Variants in PCNX2 observed in about 807,000 individuals in gnomAD.
PCNX2 encodes the protein pecanex-like protein 2.
A neutral mutation model predicts 223.8 loss-of-function variants in PCNX2; 168 were observed. The ratio of observed to expected loss-of-function variants is 0.75; its 90% CI spans 0.66 to 0.85. The LOEUF is 0.85. PCNX2 is among the 40% of genes least tolerant of loss of function. The pLI, the probability that PCNX2 is intolerant of heterozygous loss-of-function variation, is 0.00. For missense variants in PCNX2, 2,507 were observed against 2,675.5 expected, an observed-to-expected ratio of 0.94 and a Z score of 1.39; for synonymous variants, 1,006 against 1,052.6, an observed-to-expected ratio of 0.96 and a Z score of 0.86.
At chr1:233,200,130 A>G (rs1482528382) in intron 14 of PCNX2, 24 bp downstream of exon 14, 1 of 1,494,480 alleles carries the variant, frequency 6.7e-7, no homozygotes, top group African/African-American at 1.4e-5. Context: ...CCTTTACAGG[A>G]AGAATAGAAT....
At chr1:233,028,823 T>A (rs1299853337) in intron 25 of PCNX2, among the ~76,000 whole-genome samples, 1 of 151,816 alleles carries the variant, frequency 6.6e-6, no homozygotes, top group East Asian at 1.9e-4. Flanking sequence ...TTTTTAAATT[T>A]GTATTCTTTC....
intron 3 of PCNX2, 125 bp from the exon 4 acceptor site, chr1:233,261,446 T>C (rs1660034199): frequency 2.4e-6 from 2 of 817,234 alleles, no homozygotes; most frequent in South Asian, 3.0e-5. Context: ...GACAATACAG[T>C]GTTCACTCTC....
intron 25 of PCNX2, among the ~76,000 whole-genome samples, chr1:233,026,076 C>T (rs7541947): frequency 0.47 from 71,579 of 152,050 alleles, 20,042 homozygotes; most frequent in African/African-American, 0.79. Flanking sequence ...CTTATCAGTT[C>T]AGGTTAAAGA....
intron 9 of PCNX2, among the ~76,000 whole-genome samples, chr1:233,232,522 T>C (rs1658128371): frequency 6.6e-6 from 1 of 152,216 alleles, no homozygotes; most frequent in African/African-American, 2.4e-5. Flanking sequence ...CTTCTGAACA[T>C]GATAAGTGAA....
At chr1:233,214,791 C>G (rs1490782457) in intron 12 of PCNX2, among the ~76,000 whole-genome samples, 4 of 152,166 alleles carry the variant, frequency 2.6e-5, no homozygotes, top group Non-Finnish European at 5.9e-5. Flanking sequence ...CTTTTAGAAT[C>G]AAACTAATTT....
intron 24 of PCNX2, 47 bp downstream of exon 24, chr1:233,057,185 T>A: frequency 7.0e-7 from 1 of 1,429,830 alleles, no homozygotes; most frequent in South Asian, 1.2e-5. Flanking sequence ...TGAGAATCCA[T>A]CCATACAACA....
chr1:233,243,822 C>CTTTATT (rs1553321468), intron 8 of PCNX2, among the ~76,000 whole-genome samples: 1 of 148,236 alleles, frequency 6.7e-6, no homozygotes, highest in Non-Finnish European at 1.5e-5. Context: ...GTACTATCAC[C>CTTTATT]TTTATTTTTT....
At chr1:233,225,195 C>G (rs991923416) in intron 10 of PCNX2, among the ~76,000 whole-genome samples, 2 of 147,814 alleles carry the variant, frequency 1.4e-5, no homozygotes, top group African/African-American at 5.0e-5. Flanking sequence ...TTGACAACAT[C>G]TACTTTGGCT....
intron 15 of PCNX2, among the ~76,000 whole-genome samples, chr1:233,194,244 A>G (rs910340528): frequency 2.0e-5 from 3 of 152,122 alleles, no homozygotes; most frequent in Non-Finnish European, 4.4e-5. Context: ...AAAACAGAAC[A>G]TGTTGAAAGT....
At chr1:233,026,708 G>A (rs1040367528) in intron 25 of PCNX2, among the ~76,000 whole-genome samples, 1 of 152,150 alleles carries the variant, frequency 6.6e-6, no homozygotes, top group Non-Finnish European at 1.5e-5. Context: ...TGATGCTAAG[G>A]TTTCTGTCCT....
intron 23 of PCNX2, among the ~76,000 whole-genome samples, chr1:233,086,696 AAAAAT>A (rs1225337889): frequency 1.3e-5 from 2 of 152,012 alleles, no homozygotes; most frequent in South Asian, 2.1e-4. Context: ...ATAATAAAAT[AAAAAT>A]AAAATAAAAT....
At chr1:233,009,791 G>A (rs1033096967) in intron 28 of PCNX2, among the ~76,000 whole-genome samples, 3 of 152,308 alleles carry the variant, frequency 2.0e-5, no homozygotes, top group Admixed American at 2.0e-4. Context: ...GGACTCATGG[G>A]ACCAGAGAAC....
intron 21 of PCNX2, among the ~76,000 whole-genome samples, chr1:233,102,077 A>G (rs80236341): frequency 0.022 from 3,240 of 148,700 alleles, 36 homozygotes; most frequent in East Asian, 0.045. Flanking sequence ...AATGCATGAG[A>G]TTCATTTTTC....
chr1:233,246,233 G>C (rs1323169953), intron 8 of PCNX2, among the ~76,000 whole-genome samples: 1 of 151,536 alleles, frequency 6.6e-6, no homozygotes, highest in South Asian at 2.1e-4. Flanking sequence ...CTTCAGATGG[G>C]ATAAATGCCC....
At chr1:233,011,049 C>T (rs933385663) in intron 28 of PCNX2, among the ~76,000 whole-genome samples, 2 of 152,184 alleles carry the variant, frequency 1.3e-5, no homozygotes, top group Non-Finnish European at 2.9e-5. Context: ...TCCTACAGTA[C>T]ACCTAAGGAC....
At chr1:233,203,006 C>A (rs1398525405) in intron 13 of PCNX2, among the ~76,000 whole-genome samples, 1 of 152,158 alleles carries the variant, frequency 6.6e-6, no homozygotes, top group African/African-American at 2.4e-5. Context: ...TGAGCTGTAA[C>A]CCATCTTCTA....
chr1:233,153,511 A>G (rs1290359866), intron 19 of PCNX2, among the ~76,000 whole-genome samples: 2 of 152,244 alleles, frequency 1.3e-5, no homozygotes, highest in Admixed American at 6.5e-5. Context: ...TTTAGACTTA[A>G]GAGTTAAAAA....
At chr1:233,235,890 C>G (rs1658357562) in intron 9 of PCNX2, among the ~76,000 whole-genome samples, 1 of 148,030 alleles carries the variant, frequency 6.8e-6, no homozygotes, top group Non-Finnish European at 1.5e-5. Flanking sequence ...GCGTGAGCCA[C>G]TGCAGCCAGC....
At chr1:232,993,622 C>T (rs1339586142) in intron 32 of PCNX2, among the ~76,000 whole-genome samples, 2 of 152,230 alleles carry the variant, frequency 1.3e-5, no homozygotes, top group Non-Finnish European at 2.9e-5. Context: ...GCATAAGTAA[C>T]AAGGAGCAGA....
Sources: allele counts gnomAD v4.1 joint callset (sites outside exome capture counted in the v4.1 genomes callset), GRCh38; gene constraint gnomAD v4.1.1; transcripts MANE v1.5; gene names NCBI Gene and HGNC (gene_info 2026-07-23, HGNC 2026-07-21).